SYCP2L: variants seen among roughly 807,000 people sequenced by gnomAD.
SYCP2L encodes synaptonemal complex protein 2 like, also known as synaptonemal complex protein 2-like.
A neutral mutation model predicts 125.8 loss-of-function variants in SYCP2L; 98 were observed. The ratio of observed to expected loss-of-function variants is 0.78; its 90% confidence interval spans 0.66 to 0.92. SYCP2L has a LOEUF of 0.92. Ranked by LOEUF, SYCP2L falls within the 40% of genes least tolerant of loss-of-function variation. SYCP2L has a pLI of 0.00. For synonymous variants in SYCP2L, 317 were observed against 325.4 expected (o/e 0.97, Z 0.28); for missense variants, 842 against 936.4 (o/e 0.90, Z 1.32).
At chr6:10,897,667 C>A (rs9357016) in intron 4 of SYCP2L, among the ~76,000 whole-genome samples, 46,219 of 152,004 alleles carry the variant, frequency 0.3, 7,452 homozygotes, top group African/African-American at 0.39. Context: ...CTGTCTCGGC[C>A]TCTCAAAGTG....
intron 23 of SYCP2L, among the ~76,000 whole-genome samples, chr6:10,949,370 T>A (rs1781369525): frequency 6.6e-6 from 1 of 152,192 alleles, no homozygotes; most frequent in Non-Finnish European, 1.5e-5. Flanking sequence ...AAAACCCAGT[T>A]ATTTAGTAAA....
chr6:10,903,287 G>C (rs942302950), intron 8 of SYCP2L, among the ~76,000 whole-genome samples: 5 of 152,144 alleles, frequency 3.3e-5, no homozygotes, highest in Non-Finnish European at 7.4e-5. Context: ...GGTGGCTCAC[G>C]CCTGTAATCC....
At chr6:10,956,539 A>G (rs1453727657) in intron 25 of SYCP2L, among the ~76,000 whole-genome samples, 1 of 152,168 alleles carries the variant, frequency 6.6e-6, no homozygotes, top group Non-Finnish European at 1.5e-5. Context: ...TCGCTAAGAG[A>G]GTATATCTTA....
intron 8 of SYCP2L, among the ~76,000 whole-genome samples, chr6:10,904,122 C>T (rs546255532): frequency 1.3e-5 from 2 of 152,278 alleles, no homozygotes; most frequent in African/African-American, 4.8e-5. Context: ...ACATTATCTG[C>T]TAAAGAGGAA....
rs1048506699 is a variant in SYCP2L, at chr6:10,902,452, A to G, written c.467-225A>G. ...AGTAAGATTTGGTTTCAAAAAAGTC[A>G]CCAAGAACCATGGAAAATAAACGCG... On this transcript the variant is annotated intron_variant, in intron 6 of 29. Transcript: ENST00000283141. 5.3e-5 allele frequency among the ~76,000 whole-genome samples: 8 copies of G among 152,328 alleles called. No homozygotes were observed. The East Asian group carries it at 7.7e-4, about 15-fold the overall frequency.
At chr6:10,944,802 T>G (rs1040603314) in intron 23 of SYCP2L, among the ~76,000 whole-genome samples, 1 of 151,972 alleles carries the variant, frequency 6.6e-6, no homozygotes, top group Non-Finnish European at 1.5e-5. Context: ...GCAACCTCTG[T>G]CTCCCAGGTT....
intron 2 of SYCP2L, among the ~76,000 whole-genome samples, chr6:10,892,335 T>C (rs1444168485): frequency 6.6e-6 from 1 of 152,236 alleles, no homozygotes; most frequent in East Asian, 1.9e-4. Context: ...GATCTCACTC[T>C]GTTACCCCAG....
chr6:10,887,253 TGGGCATAGTCCCCC>T (rs1368947471), intron 1 of SYCP2L, 118 bp downstream of exon 1: 11 of 1,379,344 alleles, frequency 8.0e-6, no homozygotes, highest in Non-Finnish European at 1.1e-5. Context: ...GACCGGGTGC[TGGGCATAGTCCCCC>T]GCCACCTCCT....
intron 29 of SYCP2L, among the ~76,000 whole-genome samples, chr6:10,967,657 CA>C (rs1781705179): frequency 1.3e-5 from 2 of 152,122 alleles, no homozygotes; most frequent in African/African-American, 4.8e-5. Context: ...AAAAATTCAG[CA>C]CCCATTCATG....
rs1780628598 is a variant in SYCP2L at position 10,912,557 on chromosome 6, C to G, written c.919-116C>G. On this transcript the variant is annotated intron_variant, in intron 12 of 29. Transcript: ENST00000283141. The surrounding 1 kb of genome is among the most constrained non-coding windows in gnomAD (Gnocchi z 4.1). ...GTCAGTCAATAGAGGCCCTATAATG[C>G]TAGGATAATGCTGTTCCAGGAAGAG... 2.8e-6 allele frequency: 2 copies of G among 716,288 alleles called. No homozygotes were observed. Among genetic ancestry groups the G allele is most frequent in the Admixed American group, 2.7e-5 (1 of 37,324 alleles). 44.4% of individuals were successfully genotyped at this position (716,288 alleles called of 1,614,324 possible). A position where few individuals can be genotyped will look rare whatever the true frequency, so the allele number is the denominator to read the frequency against.
chr6:10,930,223 A>AG, intron 18 of SYCP2L, 147 bp from the exon 19 acceptor site: 1 of 745,004 alleles, frequency 1.3e-6, no homozygotes. Context: ...CTTCCACTCC[A>AG]TACTTCTTTG....
rs772276321 is a variant in SYCP2L at position 10,943,413 on chromosome 6, C to A, written c.1954+667C>A. The stretch of plus-strand genomic sequence containing the variant: ...ATCCTGTTTTAGGAATATAACATTA[C>A]TATTGCTTTCAAAATCCTGGTATGC... On this transcript the variant is annotated intron_variant, in intron 23 of 29. Transcript: ENST00000283141. Among the ~76,000 whole-genome samples, 3 of 152,294 alleles carry A rather than the reference C, an allele frequency of 2.0e-5. No homozygotes were observed. In the South Asian group the frequency reaches 6.2e-4, roughly 32 times the overall value.
At chr6:10,910,071 C>T (rs1293033634) in intron 10 of SYCP2L, 77 bp from the exon 11 acceptor site, 10 of 1,187,300 alleles carry the variant, frequency 8.4e-6, no homozygotes, top group South Asian at 5.2e-5. Context: ...CAAACACTGG[C>T]CTCTGTATGC....
intron 29 of SYCP2L, among the ~76,000 whole-genome samples, chr6:10,968,485 C>T (rs998813273): frequency 6.6e-6 from 1 of 152,094 alleles, no homozygotes; most frequent in African/African-American, 2.4e-5. Context: ...GAATGCTACC[C>T]CTCTGCCTGG....
intron 26 of SYCP2L, 36 bp from the exon 27 acceptor site, chr6:10,961,269 G>A (rs761860339): frequency 1.1e-5 from 17 of 1,541,588 alleles, no homozygotes; most frequent in Middle Eastern, 3.4e-4. Flanking sequence ...ACATCCAAGC[G>A]ATCCCAATGA....
At chr6:10,931,347 C>G (rs1780992387) in intron 19 of SYCP2L, 93 bp from the exon 20 acceptor site, 1 of 1,239,854 alleles carries the variant, frequency 8.1e-7, no homozygotes, top group Admixed American at 1.7e-5. Flanking sequence ...GTGGGAATTG[C>G]TTTTAGTGTT....
rs181058259 is a variant in SYCP2L at position 10,912,792 on chromosome 6, A to G, written c.1011+27A>G. 29 of 1,609,946 alleles carry G rather than the reference A, an allele frequency of 1.8e-5. No homozygotes were observed. In the Admixed American group the frequency reaches 3.7e-4, roughly 20 times the overall value. On this transcript the variant is annotated intron_variant, in intron 13 of 29. Transcript: ENST00000283141. This position sits in a 1 kb window ranked among gnomAD's most constrained non-coding sequence, Gnocchi z 4.1. Reference sequence around the variant, plus strand: ...TAATGATGTTCGATTCTTGGTTAGAACTAAGCCTTTAGAGATCTTTTTTAT... The same window carrying G: ...TAATGATGTTCGATTCTTGGTTAGAGCTAAGCCTTTAGAGATCTTTTTTAT...
chr6:10,947,012 A>G (rs1160014444), intron 23 of SYCP2L, among the ~76,000 whole-genome samples: 2 of 151,470 alleles, frequency 1.3e-5, no homozygotes, highest in Non-Finnish European at 2.9e-5. Flanking sequence ...CGTATTTTCT[A>G]TTCCTTCACT....
At chr6:10,913,968 A>T (rs1006556426) in intron 14 of SYCP2L, among the ~76,000 whole-genome samples, 1 of 151,954 alleles carries the variant, frequency 6.6e-6, no homozygotes, top group African/African-American at 2.4e-5. Context: ...AGTTGCTGGG[A>T]TGACAGGCAT....
Sources: allele counts gnomAD v4.1 joint callset (sites outside exome capture counted in the v4.1 genomes callset), GRCh38; gene constraint gnomAD v4.1.1; non-coding constraint Gnocchi (gnomAD v3.1); transcripts MANE v1.5; gene names NCBI Gene and HGNC (gene_info 2026-07-23, HGNC 2026-07-21).